RCAN2: variants seen among roughly 807,000 people sequenced by gnomAD.
The protein encoded by RCAN2 is calcipressin-2.
In RCAN2, 9 loss-of-function variants were observed where a neutral mutation model predicts 23.6. That is an observed-to-expected ratio of 0.38 (90% CI 0.23 to 0.67). The LOEUF (loss-of-function observed/expected upper bound fraction) is 0.67. Among genes scored for constraint, RCAN2 ranks in the 30% least tolerant of loss-of-function variants. The pLI, the probability that RCAN2 is intolerant of heterozygous loss-of-function variation, is 0.51. For synonymous variants in RCAN2, 109 were observed against 115.7 expected, an observed-to-expected ratio of 0.94 and a Z score of 0.37; for missense variants, 273 against 302.3, an observed-to-expected ratio of 0.90 and a Z score of 0.72.
intron 2 of RCAN2, among the ~76,000 whole-genome samples, chr6:46,402,141 A>T (rs1272256648): frequency 5.3e-5 from 8 of 152,238 alleles, no homozygotes. Context: ...CTGAAGCAGC[A>T]AAAGTTTAAG....
intron 2 of RCAN2, among the ~76,000 whole-genome samples, chr6:46,297,267 T>C (rs1189243570): frequency 2.0e-5 from 3 of 152,154 alleles, no homozygotes; most frequent in Non-Finnish European, 4.4e-5. Flanking sequence ...GCATGGGCTC[T>C]GCCAGGCCAG....
intron 1 of RCAN2, among the ~76,000 whole-genome samples, chr6:46,487,475 C>T (rs530049371): frequency 2.6e-5 from 4 of 152,164 alleles, no homozygotes; most frequent in Non-Finnish European, 4.4e-5. Flanking sequence ...GTCGTTTACC[C>T]TGGCGGCAAA....
At chr6:46,337,163 C>CA (rs1213543024) in intron 2 of RCAN2, among the ~76,000 whole-genome samples, 4 of 147,662 alleles carry the variant, frequency 2.7e-5, no homozygotes, top group South Asian at 4.4e-4. Flanking sequence ...TAAAAAAAAG[C>CA]AAAAAAAATT....
intron 2 of RCAN2, among the ~76,000 whole-genome samples, chr6:46,332,922 A>C (rs143578604): frequency 0.036 from 5,449 of 152,236 alleles, 307 homozygotes; most frequent in African/African-American, 0.12. Context: ...TACAGTTCCA[A>C]CAACAGTGTA....
At chr6:46,418,640 C>T (rs1766777025) in intron 2 of RCAN2, among the ~76,000 whole-genome samples, 1 of 148,544 alleles carries the variant, frequency 6.7e-6, no homozygotes, top group Non-Finnish European at 1.5e-5. Context: ...CTTAAATTTC[C>T]AGGAATTTTA....
chr6:46,259,391 G>A (rs182992182), intron 2 of RCAN2, among the ~76,000 whole-genome samples: 5 of 152,166 alleles, frequency 3.3e-5, no homozygotes, highest in Admixed American at 3.3e-4. Context: ...TTAACCCCTG[G>A]GAAATATGCC....
At chr6:46,331,452 C>T (rs151090304) in intron 2 of RCAN2, among the ~76,000 whole-genome samples, 2,874 of 152,276 alleles carry the variant, frequency 0.019, 45 homozygotes, top group South Asian at 0.089. Flanking sequence ...AACTACAATA[C>T]ATTGAGGTTT....
intron 2 of RCAN2, among the ~76,000 whole-genome samples, chr6:46,357,034 G>C (rs1372946083): frequency 6.6e-6 from 1 of 152,160 alleles, no homozygotes. Context: ...CTCTCCAGCT[G>C]TGCAGACTGC....
intron 2 of RCAN2, among the ~76,000 whole-genome samples, chr6:46,363,816 G>T (rs1403626391): frequency 1.4e-5 from 2 of 144,438 alleles, no homozygotes; most frequent in East Asian, 4.1e-4. Flanking sequence ...TAAAAAAAAT[G>T]CTAGGCTTTA....
At chr6:46,275,052 A>G (rs917049053) in intron 2 of RCAN2, among the ~76,000 whole-genome samples, 4 of 152,112 alleles carry the variant, frequency 2.6e-5, no homozygotes, top group Admixed American at 1.3e-4. Context: ...ACTCTTAACA[A>G]CCATATCTCA....
chr6:46,433,502 C>T (rs1445040163), intron 2 of RCAN2, among the ~76,000 whole-genome samples: 1 of 152,122 alleles, frequency 6.6e-6, no homozygotes, highest in African/African-American at 2.4e-5. Flanking sequence ...AAGAGGGAGG[C>T]AAGAGGATCA....
At chr6:46,480,630 T>TG (rs1253308639) in intron 1 of RCAN2, among the ~76,000 whole-genome samples, 3 of 109,686 alleles carry the variant, frequency 2.7e-5, no homozygotes, top group Non-Finnish European at 7.1e-5. Flanking sequence ...TAGAGTTACT[T>TG]GTTTTTTTTT....
At position 46,277,220 on chromosome 6, in the gene RCAN2, C is replaced by A. The variant is rs1408460915; in HGVS notation, c.226-28324G>T. On this transcript the variant is annotated intron_variant, in intron 2 of 4. Coordinates refer to ENST00000371374, the MANE Select transcript of RCAN2 (RefSeq NM_001251974.2). Reference sequence around the variant, plus strand: ...ATTTGTACATCCATCTCTGTTCTATCACAAATGGGCTCAGATTTCCACATG... The same window carrying A: ...ATTTGTACATCCATCTCTGTTCTATAACAAATGGGCTCAGATTTCCACATG... Among the ~76,000 whole-genome samples the A allele has an allele frequency of 4.6e-5, 7 of 152,214 alleles. No homozygotes were observed. The East Asian group carries it at 1.3e-3, about 29-fold the overall frequency.
chr6:46,328,735 C>G (rs1275635970), intron 2 of RCAN2, among the ~76,000 whole-genome samples: 1 of 152,160 alleles, frequency 6.6e-6, no homozygotes, highest in African/African-American at 2.4e-5. Context: ...CTCAGCTTCC[C>G]TAGTAGCTGG....
intron 2 of RCAN2, among the ~76,000 whole-genome samples, chr6:46,360,338 C>T (rs1480484694): frequency 1.3e-5 from 2 of 151,806 alleles, no homozygotes; most frequent in African/African-American, 4.8e-5. Context: ...GGAGACCATG[C>T]TGGCTAACAT....
At chr6:46,264,870 T>C (rs1220874730) in intron 2 of RCAN2, among the ~76,000 whole-genome samples, 1 of 152,198 alleles carries the variant, frequency 6.6e-6, no homozygotes, top group East Asian at 1.9e-4. Flanking sequence ...GCCCCGCACA[T>C]ATGCTAATTT....
chr6:46,482,435 C>T (rs1457509646), intron 1 of RCAN2, among the ~76,000 whole-genome samples: 1 of 152,022 alleles, frequency 6.6e-6, no homozygotes, highest in Non-Finnish European at 1.5e-5. Context: ...AGGATTCTGC[C>T]ATGATCTGGG....
intron 4 of RCAN2, among the ~76,000 whole-genome samples, chr6:46,223,766 G>T (rs1459628502): frequency 6.6e-6 from 1 of 152,188 alleles, no homozygotes; most frequent in Non-Finnish European, 1.5e-5. Flanking sequence ...AGCTGCTCCA[G>T]GATGGAATAA....
At chr6:46,410,638 A>C (rs1766523431) in intron 2 of RCAN2, among the ~76,000 whole-genome samples, 1 of 152,236 alleles carries the variant, frequency 6.6e-6, no homozygotes, top group South Asian at 2.1e-4. Context: ...TCTAATATTT[A>C]CAGAATGTCT....
Sources: allele counts gnomAD v4.1 joint callset (sites outside exome capture counted in the v4.1 genomes callset), GRCh38; gene constraint gnomAD v4.1.1; transcripts MANE v1.5; gene names NCBI Gene and HGNC (gene_info 2026-07-23, HGNC 2026-07-21).